SNTG2: variants seen among roughly 807,000 people sequenced by gnomAD.
The protein encoded by SNTG2 is syntrophin gamma 2, also known as gamma-2-syntrophin.
SNTG2 carries 74 observed loss-of-function variants against 70.9 expected under a neutral mutation model. The observed-to-expected ratio is 1.04, with a 90% CI of 0.86 to 1.27. The LOEUF is 1.27. Among genes scored for constraint, SNTG2 ranks in the 50% most tolerant of loss-of-function variants. SNTG2 has a pLI of 0.00. For synonymous variants in SNTG2, 278 were observed against 273.8 expected, an observed-to-expected ratio of 1.02 and a Z score of -0.15; for missense variants, 717 against 690.7, an observed-to-expected ratio of 1.04 and a Z score of -0.43.
Position 993,986 on chromosome 2 carries a change from T to G in SNTG2, c.72+42918T>G, listed in dbSNP as rs1380117675. ...AAAGTATCCTTTGTCATGTAAAGTT[T>G]TATATTTTGATGAAGTTCAGTTGAT... On this transcript the variant is annotated intron_variant, in intron 1 of 16. Transcript: ENST00000308624. 3.9e-5 allele frequency among the ~76,000 whole-genome samples: 6 copies of G among 152,094 alleles called. No individual in the cohort carries two copies. The East Asian group carries it at 1.2e-3, about 29-fold the overall frequency.
At chr2:1,101,945 G>T (rs754235276) in intron 4 of SNTG2, among the ~76,000 whole-genome samples, 12 of 152,240 alleles carry the variant, frequency 7.9e-5, no homozygotes, top group Non-Finnish European at 1.2e-4. Flanking sequence ...GTTGTAAGAT[G>T]TTAGATCAGT....
chr2:1,302,969 A>G (rs1252359876), intron 14 of SNTG2, among the ~76,000 whole-genome samples: 1 of 152,212 alleles, frequency 6.6e-6, no homozygotes, highest in African/African-American at 2.4e-5. Context: ...TTCACAAAAC[A>G]ACGGGGCTGC....
intron 1 of SNTG2, among the ~76,000 whole-genome samples, chr2:1,032,908 T>C (rs1660918499): frequency 6.6e-6 from 1 of 152,198 alleles, no homozygotes; most frequent in South Asian, 2.1e-4. Context: ...AGCATGGCAC[T>C]GACATCTGCC....
At chr2:1,141,422 C>G (rs1451655171) in intron 6 of SNTG2, among the ~76,000 whole-genome samples, 1 of 152,138 alleles carries the variant, frequency 6.6e-6, no homozygotes, top group Non-Finnish European at 1.5e-5. Context: ...GAATCACTGG[C>G]CATTTTCATA....
At chr2:1,003,988 C>A (rs572541355) in intron 1 of SNTG2, among the ~76,000 whole-genome samples, 1 of 152,190 alleles carries the variant, frequency 6.6e-6, no homozygotes, top group Non-Finnish European at 1.5e-5. Flanking sequence ...TAATTTAATA[C>A]CTGTCATGAC....
chr2:1,164,580 T>C (rs1192462006), intron 6 of SNTG2, among the ~76,000 whole-genome samples: 2 of 146,524 alleles, frequency 1.4e-5, no homozygotes, highest in Non-Finnish European at 3.0e-5. Flanking sequence ...ATGCCTGGCC[T>C]AGGAGGATGA....
At chr2:1,362,183 TA>T (rs1661208672) in intron 16 of SNTG2, among the ~76,000 whole-genome samples, 1 of 103,166 alleles carries the variant, frequency 9.7e-6, no homozygotes. Context: ...TTCCATGAGA[TA>T]CACCGATGCT....
chr2:1,222,159 CTG>C (rs1675265162), intron 9 of SNTG2, among the ~76,000 whole-genome samples: 2 of 151,618 alleles, frequency 1.3e-5, no homozygotes, highest in Non-Finnish European at 2.9e-5. Context: ...CTGCCTATCT[CTG>C]TCTTTGTCTC....
intron 6 of SNTG2, among the ~76,000 whole-genome samples, chr2:1,154,806 CCCACACATATCACATACA>C (rs1669744636): frequency 6.6e-6 from 1 of 151,958 alleles, no homozygotes; most frequent in South Asian, 2.1e-4. Context: ...ACACATACAT[CCCACACATATCACATACA>C]CCACACATAT....
intron 4 of SNTG2, among the ~76,000 whole-genome samples, chr2:1,128,762 A>G (rs1363656416): frequency 6.6e-6 from 1 of 152,018 alleles, no homozygotes; most frequent in Non-Finnish European, 1.5e-5. Context: ...GCACTGGACT[A>G]ACAGACACTG....
At chr2:1,279,034 C>A (rs1363535932) in intron 14 of SNTG2, among the ~76,000 whole-genome samples, 2 of 129,956 alleles carry the variant, frequency 1.5e-5, no homozygotes, top group Non-Finnish European at 3.3e-5. Flanking sequence ...GCGTGAATCA[C>A]CCCCTGTCAG....
At chr2:1,094,543 A>G (rs1235225986) in intron 2 of SNTG2, among the ~76,000 whole-genome samples, 1 of 51,332 alleles carries the variant, frequency 1.9e-5, no homozygotes, top group Non-Finnish European at 3.4e-5. Context: ...CGAAGGCCTT[A>G]TAGGTGTGTC....
At chr2:1,239,882 A>C in intron 11 of SNTG2, 106 bp downstream of exon 11, 2 of 1,382,658 alleles carry the variant, frequency 1.4e-6, no homozygotes, top group Non-Finnish European at 2.0e-6. Context: ...GTTTTTTGAA[A>C]TTTGATTTGA....
intron 4 of SNTG2, among the ~76,000 whole-genome samples, chr2:1,104,129 A>G (rs1665967563): frequency 6.6e-6 from 1 of 152,236 alleles, no homozygotes; most frequent in Non-Finnish European, 1.5e-5. Context: ...AGACATGCAA[A>G]TGGCAGAGCC....
At chr2:1,089,610 G>A (rs967781450) in intron 2 of SNTG2, among the ~76,000 whole-genome samples, 2 of 144,798 alleles carry the variant, frequency 1.4e-5, no homozygotes, top group African/African-American at 5.2e-5. Flanking sequence ...ACTCCAACCT[G>A]GGTGACAGAG....
intron 1 of SNTG2, among the ~76,000 whole-genome samples, chr2:1,012,872 G>A: frequency 1.9e-5 from 1 of 53,666 alleles, no homozygotes; most frequent in African/African-American, 6.2e-5. Flanking sequence ...GTGGTCTGTA[G>A]AGGGATTTAT....
intron 14 of SNTG2, among the ~76,000 whole-genome samples, chr2:1,280,775 T>G (rs1679477975): frequency 6.6e-6 from 1 of 152,260 alleles, no homozygotes; most frequent in South Asian, 2.1e-4. Flanking sequence ...ACAAACTTTC[T>G]GAAAGTATCT....
In SNTG2 at chr2:1,257,086, T is replaced by G. The variant is rs528511340; in HGVS notation, c.1006-2284T>G. Among the ~76,000 whole-genome samples the G allele has an allele frequency of 2.0e-5, 3 of 152,074 alleles. No homozygotes were observed. The South Asian group carries it at 6.2e-4, about 32-fold the overall frequency. ...ACCTCCCCTGTTCCTAACACTTGCA[T>G]CCTCTGGTACATTGTCACAGCCAGG... On this transcript the variant is annotated intron_variant, in intron 12 of 16. Transcript: ENST00000308624.
intron 14 of SNTG2, among the ~76,000 whole-genome samples, chr2:1,289,982 C>T (rs574136551): frequency 1.1e-4 from 16 of 152,314 alleles, no homozygotes; most frequent in East Asian, 7.7e-4. Flanking sequence ...TTTCTAAAGG[C>T]GAGTAATATT....
Sources: gnomAD v4.1 joint callset for allele counts (sites outside exome capture counted in the v4.1 genomes callset) on GRCh38, gnomAD v4.1.1 for gene constraint, MANE v1.5 for transcripts, NCBI Gene and HGNC (gene_info 2026-07-23, HGNC 2026-07-21) for gene names.